Variants in INTS2 observed in about 807,000 individuals in gnomAD.
INTS2 encodes the protein integrator complex subunit 2.
INTS2 carries 57 observed loss-of-function variants against 139.6 expected under a neutral mutation model. The ratio of observed to expected loss-of-function variants is 0.41; its 90% CI spans 0.33 to 0.51. The LOEUF (loss-of-function observed/expected upper bound fraction) is 0.51, where lower values mean the gene tolerates loss of function less well. INTS2 is among the 20% of genes least tolerant of loss of function. The pLI is 0.28. For missense variants in INTS2, 1,196 were observed against 1,436.7 expected, an observed-to-expected ratio of 0.83 and a Z score of 2.71; for synonymous variants, 473 against 493.4, an observed-to-expected ratio of 0.96 and a Z score of 0.55.
chr17:61,869,054 A>G lies in INTS2; in HGVS notation c.3224T>C (p.Val1075Ala), dbSNP rs754919105. 2.5e-6 allele frequency: 4 copies of G among 1,607,266 alleles called. No homozygotes were observed. The African/African-American group carries it at 5.4e-5, about 21-fold the overall frequency. The change falls in exon 23 of 25, where the codon GTC becomes GCC. Residue 1075 changes from valine to alanine, a missense_variant. By Grantham distance (64) the Val-to-Ala change is moderately conservative. Transcript: ENST00000251334. This position sits in a 1 kb window ranked among gnomAD's most constrained non-coding sequence, Gnocchi z 5.4. ...CATACCTGTTAACAAAGTTCCCATG[A>G]CATTGACAGCTAAACGAGCCACACT... is the stretch of plus-strand genomic sequence containing the variant. ...SLSVARLAVN[V>A]MGTLLTVLTQ... is the part of the protein sequence containing the mutation.
At chr17:61,886,943 A>G (rs1381564260) in intron 15 of INTS2, among the ~76,000 whole-genome samples, 1 of 152,206 alleles carries the variant, frequency 6.6e-6, no homozygotes, top group African/African-American at 2.4e-5. Context: ...CTCCCTTTTA[A>G]GTTAATAAAT....
At chr17:61,884,540 T>C (rs773745457) in intron 16 of INTS2, among the ~76,000 whole-genome samples, 1 of 152,026 alleles carries the variant, frequency 6.6e-6, no homozygotes, top group Non-Finnish European at 1.5e-5. Context: ...TACAATACTA[T>C]TCAGAGTTAA....
chr17:61,915,655 TA>T (rs61632097), intron 5 of INTS2, among the ~76,000 whole-genome samples: 90,877 of 130,048 alleles, frequency 0.7, 31,591 homozygotes, highest in Non-Finnish European at 0.77. Flanking sequence ...TGTCTCTAAT[TA>T]AAAAAAAAAA....
At position 61,869,265 on chromosome 17, in the gene INTS2, C is replaced by T. The variant is rs1322410189; in HGVS notation, c.3138+8G>A. On this transcript the variant is annotated splice_region_variant and intron_variant, in intron 22 of 24. Coordinates refer to ENST00000251334, the MANE Select transcript of INTS2 (RefSeq NM_001351695.2). This position sits in a 1 kb window ranked among gnomAD's most constrained non-coding sequence, Gnocchi z 5.4. ...TCAATTGTCCTAAAGCTCCAAAATG[C>T]TCATTACCTGTTTCTCAAGTTCTGG... is the stretch of plus-strand genomic sequence containing the variant. The T allele has an allele frequency of 6.3e-7, 1 of 1,583,248 alleles. No individual in the cohort carries two copies. The highest frequency in any genetic ancestry group is 1.3e-5 in the African/African-American group (1 of 74,352).
rs146725042 is a variant in INTS2 at position 61,913,965 on chromosome 17, G to C, written c.650-1895C>G. On this transcript the variant is annotated intron_variant, in intron 5 of 24. Coordinates refer to ENST00000251334, the MANE Select transcript of INTS2 (RefSeq NM_001351695.2). ...AAATCCATGACAACAATGGCACAAAGTACAAGAGGAAAAAGAAAATAAATA... is the reference window on the plus strand; with the variant it reads ...AAATCCATGACAACAATGGCACAAACTACAAGAGGAAAAAGAAAATAAATA... Among the ~76,000 whole-genome samples the C allele has an allele frequency of 8.2e-3, 1,252 of 151,932 alleles. 9 individuals are homozygous for C. The highest frequency in any genetic ancestry group is 0.017 in the Middle Eastern group (5 of 294).
In INTS2 at chr17:61,869,402, A is replaced by C. The variant is rs773446318; in HGVS notation, c.3031-22T>G. 1.8e-5 allele frequency: 25 copies of C among 1,384,604 alleles called. No homozygotes were observed. The highest frequency in any genetic ancestry group is 2.3e-5 in the Non-Finnish European group (23 of 996,428). The allele number at this position is 1,384,604 out of a possible 1,614,324, so 85.8% of individuals were successfully genotyped here. A position where few individuals can be genotyped will look rare whatever the true frequency, so the allele number is the denominator to read the frequency against. On this transcript the variant is annotated intron_variant, in intron 21 of 24. Coordinates refer to ENST00000251334, the MANE Select transcript of INTS2 (RefSeq NM_001351695.2). This position sits in a 1 kb window ranked among gnomAD's most constrained non-coding sequence, Gnocchi z 5.4. ...AACCCTATCTCAACAAGAAACGGGA[A>C]AAAAGTCAGAAATAAAATAACTATA...
chr17:61,881,188 A>AAATC lies in INTS2; in HGVS notation c.2090-21_2090-18dup. 6.2e-7 allele frequency: 1 copy of AAATC among 1,600,698 alleles called. No homozygotes were observed. Among genetic ancestry groups the AAATC allele is most frequent in the Non-Finnish European group, 8.5e-7 (1 of 1,172,446 alleles). On this transcript the variant is annotated splice_polypyrimidine_tract_variant and intron_variant, in intron 16 of 24. Coordinates refer to ENST00000251334, the MANE Select transcript of INTS2 (RefSeq NM_001351695.2). ...AATGCAACCCTTGAAAATTTACAGA[A>AAATC]AATCAATTGGATTCTTCATGCTCAA...
rs755106671 is a variant in INTS2 at position 61,904,456 on chromosome 17, G to C, written c.1307+4C>G. The stretch of plus-strand genomic sequence containing the variant: ...AAAATGGAGCAACTTATATAGTTAG[G>C]TACCTGACAAGTGTAGAAAAGGCCA... On this transcript the variant is annotated splice_donor_region_variant and intron_variant, in intron 9 of 24. Transcript: ENST00000251334. 2.5e-6 allele frequency: 4 copies of C among 1,593,180 alleles called. No homozygotes were observed. In the Admixed American group the frequency reaches 5.2e-5, roughly 21 times the overall value.
intron 7 of INTS2, chr17:61,911,312 C>T: frequency 2.2e-6 from 1 of 454,018 alleles, no homozygotes; most frequent in Non-Finnish European, 3.9e-6. Context: ...GTGTTAATTT[C>T]TAATATGGTA....
chr17:61,883,882 G>A (rs1235586311), intron 16 of INTS2, among the ~76,000 whole-genome samples: 3 of 151,740 alleles, frequency 2.0e-5, no homozygotes, highest in Non-Finnish European at 2.9e-5. Flanking sequence ...GGTGGCATAG[G>A]CCTGTAGTCC....
Position 61,921,732 on chromosome 17 carries a change from T to C in INTS2, c.528A>G (p.Leu176=). 6.4e-7 allele frequency: 1 copy of C among 1,572,584 alleles called. No homozygotes were observed. Among genetic ancestry groups the C allele is most frequent in the Non-Finnish European group, 8.7e-7 (1 of 1,151,994 alleles). ...LEEAADVLCI[L]QAELPSLLPI... ...TAGCACTCAGTACAGTACCTGCTTG[T>C]AAAATACAAAGTACATCTGCAGCTT... Residue 176 remains leucine, a synonymous_variant, in exon 4 of 25, where the codon TTA becomes TTG. Coordinates refer to ENST00000251334, the MANE Select transcript of INTS2 (RefSeq NM_001351695.2).
chr17:61,914,507 G>A (rs936059552), intron 5 of INTS2, among the ~76,000 whole-genome samples: 6 of 152,120 alleles, frequency 3.9e-5, no homozygotes, highest in Non-Finnish European at 5.9e-5. Flanking sequence ...AGACCATCCT[G>A]GCTAACACGG....
Position 61,911,524 on chromosome 17 carries a change from T to C in INTS2, c.950A>G (p.Gln317Arg), listed in dbSNP as rs775878597. ...ATACAGATATTTAACCCTCACCTGC[T>C]GTCCATTTCGGATAAAAGTTCCAAA... The part of the protein sequence containing the change: ...TWFGTFIRNG[Q>R]QRKRETSSSV... The change falls in exon 7 of 25, where the codon CAG becomes CGG. Residue 317 changes from glutamine to arginine, a missense_variant. Gln to Arg is a conservative substitution (Grantham distance 43). This residue lies in a region of INTS2 where 1,129 missense variants were observed against 1,341.9 expected (regional missense o/e 0.84). Coordinates refer to ENST00000251334, the MANE Select transcript of INTS2 (RefSeq NM_001351695.2). 3.7e-6 allele frequency: 6 copies of C among 1,613,950 alleles called. No homozygotes were observed. Among genetic ancestry groups the C allele is most frequent in the Middle Eastern group, 1.7e-4 (1 of 6,060 alleles).
rs1349659193 is a variant in INTS2, at chr17:61,876,145, G to A, written c.2457-1107C>T. ...ATTGTGCCACTGCAGTCCAGCCTGG[G>A]TGACAAAGCAAGACCCTGTATCTAA... On this transcript the variant is annotated intron_variant, in intron 18 of 24. Transcript: ENST00000251334. This position sits in a 1 kb window ranked among gnomAD's most constrained non-coding sequence, Gnocchi z 4.1. 6.6e-6 allele frequency among the ~76,000 whole-genome samples: 1 copy of A among 152,158 alleles called. No homozygotes were observed. Among genetic ancestry groups the A allele is most frequent in the African/African-American group, 2.4e-5 (1 of 41,434 alleles).
intron 8 of INTS2, among the ~76,000 whole-genome samples, chr17:61,906,600 T>C (rs2079465925): frequency 6.6e-6 from 1 of 152,136 alleles, no homozygotes; most frequent in Non-Finnish European, 1.5e-5. Flanking sequence ...CTGGCGTAAC[T>C]GAAACTCATG....
intron 4 of INTS2, among the ~76,000 whole-genome samples, chr17:61,920,345 C>T (rs1416067652): frequency 1.3e-5 from 2 of 151,976 alleles, no homozygotes; most frequent in African/African-American, 4.8e-5. Flanking sequence ...CCACACCAGG[C>T]TAATTTTTGT....
intron 9 of INTS2, among the ~76,000 whole-genome samples, 153 bp downstream of exon 9, chr17:61,904,307 C>G (rs1213377698): frequency 1.3e-5 from 2 of 152,092 alleles, no homozygotes; most frequent in African/African-American, 4.8e-5. Flanking sequence ...AAGCTAGACC[C>G]CTTCTCTTAA....
Position 61,872,456 on chromosome 17 carries a change from G to A in INTS2, c.2587C>T (p.Pro863Ser). Residue 863 changes from proline (P) to serine (S), a missense_variant, in exon 20 of 25, where the codon CCC (proline) becomes TCC (serine). Coordinates refer to ENST00000251334, the MANE Select transcript of INTS2 (RefSeq NM_001351695.2). The surrounding 1 kb of genome is among the most constrained non-coding windows in gnomAD (Gnocchi z 4.8). ...LRCDQRVHRCPPLMDITLHML... is the reference protein window; with the variant it reads ...LRCDQRVHRCSPLMDITLHML... Reference sequence around the variant, plus strand: ...TGTAGGGTAATATCCATCAGTGGGGGGCATCTAAACAAGGAAAGCAGAAAA... The same window carrying A: ...TGTAGGGTAATATCCATCAGTGGGGAGCATCTAAACAAGGAAAGCAGAAAA... 1.3e-6 allele frequency: 2 copies of A among 1,557,028 alleles called. No homozygotes were observed. Among genetic ancestry groups the A allele is most frequent in the African/African-American group, 1.4e-5 (1 of 73,966 alleles).
rs1280588807 is a variant in INTS2, at chr17:61,897,421, GC to G, written c.1494+47del. 8.8e-6 allele frequency: 10 copies of G among 1,136,210 alleles called. No individual in the cohort carries two copies. In the East Asian group the frequency reaches 2.6e-4, roughly 29 times the overall value. The allele number at this position is 1,136,210 out of a possible 1,614,324, so 70.4% of individuals were successfully genotyped here. The stretch of plus-strand genomic sequence containing the variant: ...TATTTACACTACAACAAAATGTCCA[GC>G]TTAGAAACACCTTTTTTTTTTTAGA... On this transcript the variant is annotated intron_variant, in intron 11 of 24. Coordinates refer to ENST00000251334, the MANE Select transcript of INTS2 (RefSeq NM_001351695.2). The surrounding 1 kb of genome is among the most constrained non-coding windows in gnomAD (Gnocchi z 4.4).
Sources: gnomAD v4.1 joint callset for allele counts (sites outside exome capture counted in the v4.1 genomes callset) on GRCh38, gnomAD v4.1.1 for gene constraint, gnomAD v4.1.1 regional missense constraint, Gnocchi (gnomAD v3.1) non-coding constraint, MANE v1.5 for transcripts, NCBI Gene and HGNC (gene_info 2026-07-23, HGNC 2026-07-21) for gene names.